Variants in NEDD4L observed in about 807,000 individuals in gnomAD.
NEDD4L encodes NEDD4 like E3 ubiquitin protein ligase.
Under a neutral mutation model 148.9 loss-of-function variants are expected in NEDD4L, and 54 were observed. The ratio of observed to expected loss-of-function variants is 0.36; its 90% CI spans 0.29 to 0.45. NEDD4L has a LOEUF of 0.45. NEDD4L is among the 20% of genes least tolerant of loss of function. NEDD4L has a pLI of 1.00. For synonymous variants in NEDD4L, 433 were observed against 440.7 expected, an observed-to-expected ratio of 0.98 and a Z score of 0.22; for missense variants, 856 against 1,233.8, an observed-to-expected ratio of 0.69 and a Z score of 4.59.
intron 2 of NEDD4L, among the ~76,000 whole-genome samples, chr18:58,244,816 C>T (rs2047062787): frequency 6.6e-6 from 1 of 152,132 alleles, no homozygotes; most frequent in Admixed American, 6.5e-5. Context: ...CTGCCTCAGC[C>T]TCCTGAGTAG....
chr18:58,069,102 C>T (rs2082744872), intron 1 of NEDD4L, among the ~76,000 whole-genome samples: 1 of 144,918 alleles, frequency 6.9e-6, no homozygotes, highest in Non-Finnish European at 1.5e-5. Flanking sequence ...TACCCCTGTG[C>T]TCCAGCCTGT....
chr18:58,119,204 C>T (rs1159568889), intron 1 of NEDD4L, among the ~76,000 whole-genome samples: 5 of 152,178 alleles, frequency 3.3e-5, no homozygotes, highest in South Asian at 2.1e-4. Context: ...CCCATCTTTC[C>T]CTTCTGTTCC....
intron 5 of NEDD4L, among the ~76,000 whole-genome samples, chr18:58,285,971 C>T (rs890875311): frequency 6.6e-6 from 1 of 152,128 alleles, no homozygotes; most frequent in African/African-American, 2.4e-5. Context: ...AGAATTTAAC[C>T]TCTTTTCTAA....
chr18:58,251,871 C>A, intron 4 of NEDD4L, 130 bp from the exon 5 acceptor site: 1 of 616,630 alleles, frequency 1.6e-6, no homozygotes, highest in African/African-American at 1.9e-5. Context: ...CCCAGAACAG[C>A]AGGATAATTG....
rs555663586 is a variant in NEDD4L at position 58,162,789 on chromosome 18, C to T, written c.49-2999C>T. On this transcript the variant is annotated intron_variant, in intron 1 of 30. Transcript: ENST00000400345. ...TTAGAAATGGGGTGTTGCAGCCGGG[C>T]GCAGTGGCTCACGCCTGTAATCCCA... 6.6e-5 allele frequency among the ~76,000 whole-genome samples: 10 copies of T among 152,096 alleles called. No individual in the cohort carries two copies. The South Asian group carries it at 1.0e-3, about 16-fold the overall frequency.
chr18:58,082,895 T>C (rs1278191564), intron 1 of NEDD4L, among the ~76,000 whole-genome samples: 1 of 152,166 alleles, frequency 6.6e-6, no homozygotes. Context: ...GTTCTTGGGC[T>C]GTTTCTAATA....
intron 5 of NEDD4L, among the ~76,000 whole-genome samples, chr18:58,301,084 T>A (rs1568623619): frequency 6.6e-6 from 1 of 152,192 alleles, no homozygotes; most frequent in Non-Finnish European, 1.5e-5. Flanking sequence ...TTGGGTTCCA[T>A]AGTGTGTTAG....
At chr18:58,283,032 T>C (rs1224658359) in intron 5 of NEDD4L, among the ~76,000 whole-genome samples, 3 of 152,136 alleles carry the variant, frequency 2.0e-5, no homozygotes, top group Non-Finnish European at 4.4e-5. Flanking sequence ...GAAAGGAACG[T>C]GATAAATTGC....
chr18:58,075,098 A>G (rs1192904930), intron 1 of NEDD4L, among the ~76,000 whole-genome samples: 1 of 152,204 alleles, frequency 6.6e-6, no homozygotes, highest in Non-Finnish European at 1.5e-5. Context: ...GCATGCTTTG[A>G]ACAGATCCAA....
chr18:58,276,212 T>TGGGG (rs58442069), intron 5 of NEDD4L, among the ~76,000 whole-genome samples: 20 of 103,336 alleles, frequency 1.9e-4, no homozygotes, highest in South Asian at 5.1e-4. Context: ...TTTTTTTTTT[T>TGGGG]GGGTGGGGAG....
At position 58,348,103 on chromosome 18, in the gene NEDD4L, G is replaced by T. The variant is rs113891551; in HGVS notation, c.1576-1434G>T. Reference sequence around the variant, plus strand: ...CAGCCTTGACCTCCTAGGCTCAGGTGATCCTCCCACCTCAGCCTTTCAGGT... The same window carrying T: ...CAGCCTTGACCTCCTAGGCTCAGGTTATCCTCCCACCTCAGCCTTTCAGGT... On this transcript the variant is annotated intron_variant, in intron 16 of 30. Transcript: ENST00000400345. Among the ~76,000 whole-genome samples, 841 of 151,654 alleles carry T rather than the reference G, an allele frequency of 5.5e-3. 9 individuals carry two copies. Among genetic ancestry groups the T allele is most frequent in the African/African-American group, 0.016 (650 of 41,320 alleles).
At chr18:58,389,341 A>T in intron 28 of NEDD4L, 149 bp downstream of exon 28, 1 of 581,604 alleles carries the variant, frequency 1.7e-6, no homozygotes, top group South Asian at 2.4e-5. Flanking sequence ...GAAGAGGCAA[A>T]CTGAGCCAGC....
intron 22 of NEDD4L, among the ~76,000 whole-genome samples, chr18:58,368,454 T>A (rs2046396894): frequency 6.6e-6 from 1 of 152,170 alleles, no homozygotes; most frequent in African/African-American, 2.4e-5. Flanking sequence ...TCTAAAAGAT[T>A]TGGCCAATTC....
intron 2 of NEDD4L, among the ~76,000 whole-genome samples, chr18:58,176,420 C>CA (rs768125870): frequency 2.0e-5 from 3 of 152,194 alleles, no homozygotes; most frequent in Non-Finnish European, 4.4e-5. Context: ...ACTGTAACCT[C>CA]AAACTCCTGA....
At chr18:58,102,387 A>G (rs1439031108) in intron 1 of NEDD4L, among the ~76,000 whole-genome samples, 2 of 152,210 alleles carry the variant, frequency 1.3e-5, no homozygotes, top group African/African-American at 4.8e-5. Flanking sequence ...TGAAGACATA[A>G]TCAGAACCAG....
chr18:58,162,241 C>T (rs1444645500), intron 1 of NEDD4L, among the ~76,000 whole-genome samples: 2 of 152,060 alleles, frequency 1.3e-5, no homozygotes, highest in African/African-American at 4.8e-5. Flanking sequence ...AGTGCTTCTC[C>T]CCCAGTGGTC....
intron 1 of NEDD4L, among the ~76,000 whole-genome samples, chr18:58,119,393 C>T (rs1263302867): frequency 3.3e-5 from 5 of 152,166 alleles, no homozygotes; most frequent in Non-Finnish European, 7.3e-5. Context: ...TGCCCCCAGC[C>T]TGGTTTCTGG....
intron 2 of NEDD4L, among the ~76,000 whole-genome samples, chr18:58,238,562 T>C (rs1198590961): frequency 6.6e-6 from 1 of 152,234 alleles, no homozygotes; most frequent in Non-Finnish European, 1.5e-5. Flanking sequence ...TATTCTAGTA[T>C]ATGATTGTAC....
rs531876668 is a variant in NEDD4L at position 58,375,393 on chromosome 18, G to A, written c.2352+2124G>A. The stretch of plus-strand genomic sequence containing the variant: ...GCCCCTTATGGACTATTTCTGAAAT[G>A]CAGCCCTGAAAATGTCCTTCTTCTA... On this transcript the variant is annotated intron_variant, in intron 24 of 30. Coordinates refer to ENST00000400345, the MANE Select transcript of NEDD4L (RefSeq NM_001144967.3). 5.3e-5 allele frequency among the ~76,000 whole-genome samples: 8 copies of A among 152,146 alleles called. No homozygotes were observed. The East Asian group carries it at 1.4e-3, about 26-fold the overall frequency.
Sources: gnomAD v4.1 joint callset for allele counts (sites outside exome capture counted in the v4.1 genomes callset) on GRCh38, gnomAD v4.1.1 for gene constraint, MANE v1.5 for transcripts, NCBI Gene and HGNC (gene_info 2026-07-23, HGNC 2026-07-21) for gene names.